Variants in SMYD3 observed in about 807,000 individuals in gnomAD.
SMYD3 encodes the protein histone-lysine N-methyltransferase SMYD3.
Under a neutral mutation model 57.7 loss-of-function variants are expected in SMYD3, and 36 were observed. That is an observed-to-expected ratio of 0.62 (90% CI 0.48 to 0.82). SMYD3 has a LOEUF of 0.82. Ranked by LOEUF, SMYD3 falls within the 40% of genes least tolerant of loss-of-function variation. SMYD3 has a pLI of 0.00. For synonymous variants in SMYD3, 211 were observed against 195.0 expected (o/e 1.08, Z -0.68); for missense variants, 515 against 538.8 (o/e 0.96, Z 0.44).
chr1:246,426,735 T>C (rs1315317811), intron 1 of SMYD3, among the ~76,000 whole-genome samples: 1 of 152,204 alleles, frequency 6.6e-6, no homozygotes, highest in African/African-American at 2.4e-5. Flanking sequence ...GGAATATTCT[T>C]AGTGTCTTCC....
chr1:246,173,712 C>A (rs1270341537), intron 5 of SMYD3, among the ~76,000 whole-genome samples: 3 of 152,128 alleles, frequency 2.0e-5, no homozygotes, highest in Non-Finnish European at 2.9e-5. Context: ...TATTCAGGGT[C>A]AATAAAGGCA....
At chr1:246,064,259 C>T (rs963627462) in intron 5 of SMYD3, among the ~76,000 whole-genome samples, 2 of 152,184 alleles carry the variant, frequency 1.3e-5, no homozygotes, top group Non-Finnish European at 2.9e-5. Context: ...CCCTCAACCT[C>T]CCGAGCATAG....
chr1:245,872,372 C>G (rs1448116784), intron 8 of SMYD3, among the ~76,000 whole-genome samples: 3 of 151,186 alleles, frequency 2.0e-5, no homozygotes, highest in Non-Finnish European at 2.9e-5. Context: ...CACCCATCTC[C>G]TGAGCTGGCC....
chr1:245,753,219 G>C (rs1257633575), intron 11 of SMYD3, among the ~76,000 whole-genome samples: 2 of 151,496 alleles, frequency 1.3e-5, no homozygotes, highest in Non-Finnish European at 2.9e-5. Context: ...AAATGGGTAT[G>C]GGTAGGGGCA....
intron 10 of SMYD3, among the ~76,000 whole-genome samples, chr1:245,813,926 A>G (rs2048641741): frequency 6.6e-6 from 1 of 150,446 alleles, no homozygotes; most frequent in African/African-American, 2.5e-5. Flanking sequence ...CTGGCATGAG[A>G]TCAGCTAAAA....
At chr1:245,905,024 A>G (rs10737778) in intron 8 of SMYD3, among the ~76,000 whole-genome samples, 151,741 of 151,792 alleles carry the variant, frequency 1, 75,845 homozygotes, top group Non-Finnish European at 1. Context: ...TGAAGGAAAC[A>G]ACCCAGTCCT....
chr1:246,398,317 G>A (rs1165607093), intron 1 of SMYD3, among the ~76,000 whole-genome samples: 2 of 152,230 alleles, frequency 1.3e-5, no homozygotes, highest in African/African-American at 4.8e-5. Context: ...AAGGTTAAAC[G>A]ACACACTCAA....
chr1:246,192,039 T>G (rs2062746701), intron 5 of SMYD3, among the ~76,000 whole-genome samples: 1 of 152,168 alleles, frequency 6.6e-6, no homozygotes, highest in African/African-American at 2.4e-5. Flanking sequence ...ACATTGAAGA[T>G]CTTAAGAACT....
chr1:245,838,211 A>G (rs1401463661), intron 10 of SMYD3, among the ~76,000 whole-genome samples: 1 of 152,194 alleles, frequency 6.6e-6, no homozygotes, highest in Non-Finnish European at 1.5e-5. Context: ...GGTGGGGTGC[A>G]TGGGCTCTCC....
chr1:246,304,295 A>G (rs2064943719), intron 5 of SMYD3, among the ~76,000 whole-genome samples: 1 of 152,230 alleles, frequency 6.6e-6, no homozygotes, highest in Non-Finnish European at 1.5e-5. Flanking sequence ...TAAAGCAGGC[A>G]GCAAAATATA....
chr1:245,969,036 A>C (rs1180001474), intron 5 of SMYD3, among the ~76,000 whole-genome samples: 1 of 152,106 alleles, frequency 6.6e-6, no homozygotes, highest in African/African-American at 2.4e-5. Flanking sequence ...TGTAATTCTG[A>C]TTTTCTTAGT....
At chr1:246,164,671 T>C (rs1200108253) in intron 5 of SMYD3, among the ~76,000 whole-genome samples, 3 of 152,218 alleles carry the variant, frequency 2.0e-5, no homozygotes, top group Non-Finnish European at 4.4e-5. Flanking sequence ...TTTTTGCTCA[T>C]ACTGGATACG....
chr1:246,250,797 T>C (rs2063786171), intron 5 of SMYD3, among the ~76,000 whole-genome samples: 1 of 152,224 alleles, frequency 6.6e-6, no homozygotes, highest in African/African-American at 2.4e-5. Context: ...TTAATGATAG[T>C]TAACTGCTTT....
chr1:245,824,869 A>C lies in SMYD3; in HGVS notation c.1076+33627T>G, dbSNP rs553947273. Reference sequence around the variant, plus strand: ...GAAACTCCGTCTCAAAAAAAAAAAAACAAAAAAAAAAATTAGTCGGGTGTG... The same window carrying C: ...GAAACTCCGTCTCAAAAAAAAAAAACCAAAAAAAAAAATTAGTCGGGTGTG... On this transcript the variant is annotated intron_variant, in intron 10 of 11. Coordinates refer to ENST00000490107, the MANE Select transcript of SMYD3 (RefSeq NM_001167740.2). Among the ~76,000 whole-genome samples the C allele has an allele frequency of 2.4e-3, 357 of 147,136 alleles. 1 individual carries two copies. The highest frequency in any genetic ancestry group is 3.8e-3 in the Non-Finnish European group (255 of 66,616).
chr1:246,316,717 C>T (rs2065166342), intron 5 of SMYD3, among the ~76,000 whole-genome samples: 1 of 148,222 alleles, frequency 6.7e-6, no homozygotes, highest in Non-Finnish European at 1.5e-5. Flanking sequence ...AATTAAAGGC[C>T]AGGCACGGTG....
intron 5 of SMYD3, among the ~76,000 whole-genome samples, chr1:246,130,947 A>G (rs996101625): frequency 6.6e-6 from 1 of 152,126 alleles, no homozygotes; most frequent in Non-Finnish European, 1.5e-5. Flanking sequence ...CCCCACAATC[A>G]AACCTCGTCT....
At chr1:245,934,029 C>T (rs1220050727) in intron 5 of SMYD3, among the ~76,000 whole-genome samples, 1 of 151,886 alleles carries the variant, frequency 6.6e-6, no homozygotes, top group Non-Finnish European at 1.5e-5. Flanking sequence ...TTTTAAAACA[C>T]ATTTAAAAAG....
At chr1:245,884,994 G>T (rs994843848) in intron 8 of SMYD3, among the ~76,000 whole-genome samples, 2 of 152,022 alleles carry the variant, frequency 1.3e-5, no homozygotes, top group African/African-American at 4.8e-5. Flanking sequence ...CACTCTTTGG[G>T]TCTGCACTAC....
chr1:246,261,949 G>A (rs746234636), intron 5 of SMYD3, among the ~76,000 whole-genome samples: 3 of 152,178 alleles, frequency 2.0e-5, no homozygotes, highest in Non-Finnish European at 2.9e-5. Context: ...ATAGAAGTAA[G>A]TGAAAAATAA....
Sources: gnomAD v4.1 joint callset for allele counts (sites outside exome capture counted in the v4.1 genomes callset) on GRCh38, gnomAD v4.1.1 for gene constraint, MANE v1.5 for transcripts, NCBI Gene and HGNC (gene_info 2026-07-23, HGNC 2026-07-21) for gene names.